DPP6: variants seen among roughly 807,000 people sequenced by gnomAD.
The protein encoded by DPP6 is A-type potassium channel modulatory protein DPP6.
A neutral mutation model predicts 122.6 loss-of-function variants in DPP6; 69 were observed. The observed-to-expected ratio is 0.56, with a 90% CI of 0.46 to 0.69. The LOEUF (loss-of-function observed/expected upper bound fraction) is 0.69, where lower values mean the gene tolerates loss of function less well. Among genes scored for constraint, DPP6 ranks in the 30% least tolerant of loss-of-function variants. DPP6 has a pLI of 0.00. For missense variants in DPP6, 928 were observed against 1,116.9 expected, an observed-to-expected ratio of 0.83 and a Z score of 2.41; for synonymous variants, 418 against 433.1, an observed-to-expected ratio of 0.97 and a Z score of 0.43.
rs181896645 is a variant in DPP6, at chr7:154,222,921, G to A, written c.243+169858G>A. Among the ~76,000 whole-genome samples, 161 of 148,870 alleles carry A rather than the reference G, an allele frequency of 1.1e-3. 6 individuals are homozygous for A. Among genetic ancestry groups the A allele is most frequent in the Admixed American group, 2.0e-3 (31 of 15,124 alleles). ...TCAGGTCATGGGAAGGCTTTTTGGT[G>A]GTTGTTGGTGTTCTTCATGTAGGAC... On this transcript the variant is annotated intron_variant, in intron 1 of 25. Coordinates refer to ENST00000377770, the MANE Select transcript of DPP6 (RefSeq NM_130797.4).
At chr7:154,699,258 A>T (rs1462442428) in intron 7 of DPP6, among the ~76,000 whole-genome samples, 4 of 152,236 alleles carry the variant, frequency 2.6e-5, no homozygotes, top group Non-Finnish European at 4.4e-5. Context: ...GTATACAAAA[A>T]GGCCCAGAAA....
chr7:154,581,496 A>G (rs187695828), intron 5 of DPP6, among the ~76,000 whole-genome samples: 19 of 152,268 alleles, frequency 1.2e-4, no homozygotes, highest in South Asian at 1.0e-3. Context: ...GGAAAGGAGG[A>G]GAACACGGGT....
At chr7:154,671,732 T>C (rs890835197) in intron 7 of DPP6, among the ~76,000 whole-genome samples, 2 of 152,192 alleles carry the variant, frequency 1.3e-5, no homozygotes, top group African/African-American at 4.8e-5. Flanking sequence ...TCATGCTCCG[T>C]TGGAGATGAG....
intron 1 of DPP6, among the ~76,000 whole-genome samples, chr7:154,099,201 G>A (rs1332627692): frequency 2.0e-5 from 3 of 152,134 alleles, no homozygotes; most frequent in Non-Finnish European, 2.9e-5. Flanking sequence ...ATGTGGAATT[G>A]CAATAATGTC....
At chr7:154,286,804 C>T (rs1344299027) in intron 1 of DPP6, among the ~76,000 whole-genome samples, 5 of 133,934 alleles carry the variant, frequency 3.7e-5, no homozygotes, top group African/African-American at 1.3e-4. Context: ...ATGATTTCTT[C>T]TTTTTTTTTT....
At position 154,131,541 on chromosome 7, in the gene DPP6, A is replaced by G. The variant is rs564366032; in HGVS notation, c.243+78478A>G. On this transcript the variant is annotated intron_variant, in intron 1 of 25. Coordinates refer to ENST00000377770, the MANE Select transcript of DPP6 (RefSeq NM_130797.4). ...GGTCATCCCCTTCAGCTGCTTCCCAACCACTGCTCTGTAATTACAATGTGC... is the reference window on the plus strand; with the variant it reads ...GGTCATCCCCTTCAGCTGCTTCCCAGCCACTGCTCTGTAATTACAATGTGC... 3.9e-5 allele frequency among the ~76,000 whole-genome samples: 6 copies of G among 152,358 alleles called. No individual in the cohort carries two copies. In the South Asian group the frequency reaches 8.3e-4, roughly 21 times the overall value.
chr7:153,806,124 A>G, the DPP6 span, among the ~76,000 whole-genome samples: 1 of 151,928 alleles, frequency 6.6e-6, no homozygotes, highest in Non-Finnish European at 1.5e-5. Context: ...TTTCATGATC[A>G]GAACATTAAG....
chr7:153,955,105 A>C (rs1802399898), intron 1 of DPP6, among the ~76,000 whole-genome samples: 1 of 152,202 alleles, frequency 6.6e-6, no homozygotes, highest in African/African-American at 2.4e-5. Flanking sequence ...GAATTTTAAC[A>C]GGGCATCATC....
chr7:154,078,275 G>C (rs1444951069), intron 1 of DPP6, among the ~76,000 whole-genome samples: 1 of 151,700 alleles, frequency 6.6e-6, no homozygotes, highest in Non-Finnish European at 1.5e-5. Flanking sequence ...GCACAGAAAA[G>C]GGGCTTAATA....
At chr7:154,019,234 A>G (rs2533830) in intron 1 of DPP6, among the ~76,000 whole-genome samples, 15,294 of 151,342 alleles carry the variant, frequency 0.1, 854 homozygotes, top group African/African-American at 0.23. Flanking sequence ...ATTTAATTTC[A>G]TGAATAATGA....
chr7:153,898,267 ACACAAC>A (rs1179171785), intron 1 of DPP6, among the ~76,000 whole-genome samples: 1 of 152,188 alleles, frequency 6.6e-6, no homozygotes, highest in African/African-American at 2.4e-5. Context: ...AGCCTGGGCC[ACACAAC>A]AAGACGCCAT....
intron 6 of DPP6, among the ~76,000 whole-genome samples, chr7:154,648,280 A>T (rs1393516236): frequency 3.3e-5 from 5 of 151,956 alleles, no homozygotes; most frequent in African/African-American, 1.2e-4. Context: ...AAAAAAAAAA[A>T]AATCACTGAG....
intron 7 of DPP6, among the ~76,000 whole-genome samples, chr7:154,684,384 A>G (rs1839471669): frequency 6.6e-6 from 1 of 152,196 alleles, no homozygotes; most frequent in African/African-American, 2.4e-5. Flanking sequence ...CTGTGTCCTC[A>G]GCCACTTTGT....
At chr7:154,240,849 T>C (rs1801545810) in intron 1 of DPP6, among the ~76,000 whole-genome samples, 1 of 152,214 alleles carries the variant, frequency 6.6e-6, no homozygotes, top group Non-Finnish European at 1.5e-5. Flanking sequence ...GTGGATTTTA[T>C]GTAGGATAGA....
chr7:154,847,903 A>G (rs966474042), intron 16 of DPP6, among the ~76,000 whole-genome samples: 1 of 152,178 alleles, frequency 6.6e-6, no homozygotes, highest in Non-Finnish European at 1.5e-5. Context: ...GATTCCACAT[A>G]TAAGTGAGAT....
At chr7:154,153,376 C>G (rs569583379) in intron 1 of DPP6, among the ~76,000 whole-genome samples, 1 of 151,996 alleles carries the variant, frequency 6.6e-6, no homozygotes, top group Non-Finnish European at 1.5e-5. Context: ...TAGTAGAGAC[C>G]GGGTTTCACC....
chr7:154,468,044 AAAG>A (rs1821942105), intron 2 of DPP6, among the ~76,000 whole-genome samples: 1 of 152,232 alleles, frequency 6.6e-6, no homozygotes, highest in Non-Finnish European at 1.5e-5. Flanking sequence ...ACATTTCTCC[AAAG>A]AAGATATAAA....
At chr7:154,864,471 TTTAA>T (rs1803683375) in intron 17 of DPP6, among the ~76,000 whole-genome samples, 1 of 152,222 alleles carries the variant, frequency 6.6e-6, no homozygotes, top group Non-Finnish European at 1.5e-5. Context: ...GGGGCTCACA[TTTAA>T]TTAAAGAGTG....
At chr7:154,767,490 G>A (rs563621367) in intron 8 of DPP6, among the ~76,000 whole-genome samples, 1 of 152,164 alleles carries the variant, frequency 6.6e-6, no homozygotes, top group Admixed American at 6.5e-5. Flanking sequence ...GCACCTGAAC[G>A]TCCACCTCCT....
Sources: gnomAD v4.1 joint callset for allele counts (sites outside exome capture counted in the v4.1 genomes callset) on GRCh38, gnomAD v4.1.1 for gene constraint, MANE v1.5 for transcripts, NCBI Gene and HGNC (gene_info 2026-07-23, HGNC 2026-07-21) for gene names.